EPB41L1: variants seen among roughly 807,000 people sequenced by gnomAD.
The protein encoded by EPB41L1 is band 4.1-like protein 1.
Under a neutral mutation model 97.8 loss-of-function variants are expected in EPB41L1, and 29 were observed. That is an observed-to-expected ratio of 0.30 (90% confidence interval 0.22 to 0.40). The LOEUF (loss-of-function observed/expected upper bound fraction) is 0.40. Among genes scored for constraint, EPB41L1 ranks in the 10% least tolerant of loss-of-function variants. The pLI, the probability that EPB41L1 is intolerant of heterozygous loss-of-function variation, is 1.00. For missense variants in EPB41L1, 812 were observed against 1,162.3 expected (o/e 0.70, Z 4.38); for synonymous variants, 383 against 459.2 (o/e 0.83, Z 2.12).
chr20:36,134,165 G>A (rs1349368448), intron 2 of EPB41L1, among the ~76,000 whole-genome samples: 1 of 152,170 alleles, frequency 6.6e-6, no homozygotes, highest in Non-Finnish European at 1.5e-5. Context: ...TGTCTCCAAA[G>A]TTCTTGCCAC....
At chr20:36,140,439 T>C (rs2059596980) in intron 2 of EPB41L1, among the ~76,000 whole-genome samples, 1 of 152,132 alleles carries the variant, frequency 6.6e-6, no homozygotes, top group Non-Finnish European at 1.5e-5. Context: ...CAATTGTTTT[T>C]CCATTTATTA....
At chr20:36,186,197 C>T (rs1032823025) in intron 7 of EPB41L1, among the ~76,000 whole-genome samples, 1 of 152,142 alleles carries the variant, frequency 6.6e-6, no homozygotes, top group Admixed American at 6.5e-5. Flanking sequence ...TACAGGTTCC[C>T]CTGGAGAGGA....
upstream of EPB41L1, chr20:36,152,006 C>G (rs2145439405): frequency 6.6e-6 from 1 of 152,136 alleles, no homozygotes; most frequent in Non-Finnish European, 1.5e-5. Context: ...ACTCGGGAGG[C>G]TGAGGCAGGA....
intron 17 of EPB41L1, among the ~76,000 whole-genome samples, chr20:36,218,625 A>G (rs1436551424): frequency 6.6e-6 from 1 of 152,236 alleles, no homozygotes; most frequent in Non-Finnish European, 1.5e-5. Flanking sequence ...CTTGATCACT[A>G]CAGTGTTCCT....
chr20:36,114,448 G>A (rs995812393), intron 2 of EPB41L1, among the ~76,000 whole-genome samples: 1 of 152,132 alleles, frequency 6.6e-6, no homozygotes, highest in African/African-American at 2.4e-5. Context: ...GGTGATAGGG[G>A]TGGTGCCACA....
upstream of EPB41L1, chr20:36,150,637 T>C (rs919094359): frequency 2.6e-5 from 4 of 152,220 alleles, no homozygotes; most frequent in Non-Finnish European, 4.4e-5. Flanking sequence ...GAGCCTCAGT[T>C]ACTTCAGCTG....
intron 1 of EPB41L1, among the ~76,000 whole-genome samples, chr20:36,102,090 A>G (rs909286683): frequency 3.6e-5 from 5 of 140,194 alleles, no homozygotes; most frequent in Non-Finnish European, 7.8e-5. Flanking sequence ...CAAGAGATTC[A>G]AACCCAGCTG....
intron 14 of EPB41L1, among the ~76,000 whole-genome samples, chr20:36,202,951 C>G (rs2062579684): frequency 6.6e-6 from 1 of 152,162 alleles, no homozygotes; most frequent in Non-Finnish European, 1.5e-5. Flanking sequence ...GTGAGCCCAA[C>G]TGGCTCTGTT....
rs559767701 is a variant in EPB41L1, at chr20:36,191,151, G to A, written c.1300+354G>A. 3.9e-5 allele frequency among the ~76,000 whole-genome samples: 6 copies of A among 152,132 alleles called. 1 individual carries two copies. In the South Asian group the frequency reaches 1.0e-3, roughly 26 times the overall value. On this transcript the variant is annotated intron_variant, in intron 11 of 21. Transcript: ENST00000338074. ...GTGGTCTAACCTTGGGCCTGGCAGT[G>A]CAGGTCTGATTCACCCTCCTCCCCT...
chr20:36,180,606 A>G (rs1448410902), intron 5 of EPB41L1, among the ~76,000 whole-genome samples: 1 of 152,110 alleles, frequency 6.6e-6, no homozygotes, highest in Non-Finnish European at 1.5e-5. Flanking sequence ...CTGGATTTGA[A>G]TGTTAACTCC....
intron 1 of EPB41L1, 111 bp downstream of exon 1, chr20:36,155,007 G>A (rs2060228501): frequency 9.8e-7 from 1 of 1,017,254 alleles, no homozygotes; most frequent in Non-Finnish European, 1.3e-6. Flanking sequence ...TGAGTTTTCA[G>A]GCTGTTGGTC....
intron 21 of EPB41L1, among the ~76,000 whole-genome samples, chr20:36,223,022 G>A (rs1434896000): frequency 5.9e-5 from 9 of 151,828 alleles, no homozygotes; most frequent in African/African-American, 1.5e-4. Flanking sequence ...TCAGCCTCCC[G>A]AGCAGCTGGG....
At chr20:36,178,792 C>T (rs2061356801) in intron 5 of EPB41L1, 120 bp downstream of exon 5, 3 of 1,117,574 alleles carry the variant, frequency 2.7e-6, no homozygotes, top group African/African-American at 1.5e-5. Context: ...CGTTGTGGCT[C>T]ATCCCTGTAA....
chr20:36,171,258 G>A (rs903813119), intron 1 of EPB41L1, among the ~76,000 whole-genome samples: 7 of 151,948 alleles, frequency 4.6e-5, no homozygotes, highest in African/African-American at 9.7e-5. Flanking sequence ...TCCTGAGCCC[G>A]GTGCACCGGT....
At chr20:36,210,708 C>G (rs1350556986) in intron 15 of EPB41L1, among the ~76,000 whole-genome samples, 1 of 152,140 alleles carries the variant, frequency 6.6e-6, no homozygotes, top group Non-Finnish European at 1.5e-5. Flanking sequence ...CTTTCCTGAC[C>G]ACCCTGGGCA....
intron 1 of EPB41L1, among the ~76,000 whole-genome samples, chr20:36,164,264 A>C (rs4911525): frequency 0.01 from 1,575 of 152,358 alleles, 65 homozygotes; most frequent in Admixed American, 0.075. Flanking sequence ...GGGGGTGCAC[A>C]TGGAGACTAA....
chr20:36,151,536 C>T (rs773774457), upstream of EPB41L1: 1 of 152,232 alleles, frequency 6.6e-6, no homozygotes, highest in Non-Finnish European at 1.5e-5. Flanking sequence ...CCTTCTTTCT[C>T]CATGAGACTT....
chr20:36,114,067 C>T (rs901964782), intron 2 of EPB41L1, among the ~76,000 whole-genome samples: 2 of 152,130 alleles, frequency 1.3e-5, no homozygotes, highest in African/African-American at 4.8e-5. Flanking sequence ...TGTCTAGAGC[C>T]CCACATTCAA....
chr20:36,209,497 C>T lies in EPB41L1; in HGVS notation c.1678C>T (p.Leu560=). The T allele has an allele frequency of 6.2e-7, 1 of 1,613,902 alleles. No homozygotes were observed. Among genetic ancestry groups the T allele is most frequent in the Non-Finnish European group, 8.5e-7 (1 of 1,179,932 alleles). The part of the protein sequence containing the change: ...TPEKANERAG[L]REGSEEKVKP... ...TTTTATCTGGCCATAGAGAGCAGGG[C>T]TGAGGGAGGGCTCCGAGGAGAAAGT... The change falls in exon 15 of 22, where the codon CTG becomes TTG. Residue 560 remains leucine (L), a synonymous_variant. Coordinates refer to ENST00000338074, the MANE Select transcript of EPB41L1 (RefSeq NM_012156.2). This position sits in a 1 kb window ranked among gnomAD's most constrained non-coding sequence, Gnocchi z 4.2.
Sources: gnomAD v4.1 joint callset for allele counts (sites outside exome capture counted in the v4.1 genomes callset) on GRCh38, gnomAD v4.1.1 for gene constraint, Gnocchi (gnomAD v3.1) non-coding constraint, MANE v1.5 for transcripts, NCBI Gene and HGNC (gene_info 2026-07-23, HGNC 2026-07-21) for gene names.